The following TAFA5 variants were observed in gnomAD, a reference collection of about 807,000 sequenced individuals.
TAFA5 encodes chemokine-like protein TAFA-5.
Under a neutral mutation model 15.3 loss-of-function variants are expected in TAFA5, and 6 were observed. The observed-to-expected ratio is 0.39, with a 90% CI of 0.21 to 0.77. The LOEUF is 0.77. Ranked by LOEUF, TAFA5 falls within the 30% of genes least tolerant of loss-of-function variation. The probability of loss-of-function intolerance (pLI) is 0.41; values close to 1 mark genes in which losing one functional copy is unlikely to be tolerated. For synonymous variants in TAFA5, 103 were observed against 80.7 expected (o/e 1.28, Z -1.48); for missense variants, 161 against 193.1 (o/e 0.83, Z 0.98).
At chr22:48,573,470 A>T (rs1434527088) in intron 1 of TAFA5, among the ~76,000 whole-genome samples, 5 of 152,192 alleles carry the variant, frequency 3.3e-5, no homozygotes, top group African/African-American at 1.2e-4. Flanking sequence ...TCACACTGCC[A>T]TCTGGAGCTG....
chr22:48,671,410 G>A (rs754894357), intron 2 of TAFA5, among the ~76,000 whole-genome samples: 2 of 152,182 alleles, frequency 1.3e-5, no homozygotes, highest in African/African-American at 2.4e-5. Flanking sequence ...ATTCTCAGCC[G>A]AAAGTGGTGC....
chr22:48,621,367 A>C (rs1344647051), intron 1 of TAFA5, among the ~76,000 whole-genome samples: 1 of 150,960 alleles, frequency 6.6e-6, no homozygotes. Flanking sequence ...CCACACACCC[A>C]CCCATCCATT....
intron 2 of TAFA5, among the ~76,000 whole-genome samples, chr22:48,694,739 T>A (rs900535403): frequency 6.6e-6 from 1 of 150,988 alleles, no homozygotes; most frequent in Non-Finnish European, 1.5e-5. Context: ...TGTGAGCAGC[T>A]CCAAGACCAC....
At chr22:48,508,430 G>A (rs1921088740) in intron 1 of TAFA5, among the ~76,000 whole-genome samples, 1 of 152,214 alleles carries the variant, frequency 6.6e-6, no homozygotes, top group Non-Finnish European at 1.5e-5. Context: ...GGAACAGGGT[G>A]TGCCCAGGTG....
chr22:48,535,683 T>C (rs1922131877), intron 1 of TAFA5, among the ~76,000 whole-genome samples: 1 of 150,122 alleles, frequency 6.7e-6, no homozygotes, highest in Non-Finnish European at 1.5e-5. Context: ...AGTATATGCA[T>C]ATATGTAGGT....
chr22:48,538,626 G>A (rs1284636316), intron 1 of TAFA5, among the ~76,000 whole-genome samples: 1 of 152,168 alleles, frequency 6.6e-6, no homozygotes, highest in Non-Finnish European at 1.5e-5. Flanking sequence ...TCTCTGCTCC[G>A]GGCCGCGGTG....
rs1053002737 is a variant in TAFA5 at position 48,638,360 on chromosome 22, C to G, written c.113-8237C>G. ...GGCCACACACAGGCAATACCACCCC[C>G]CCCCCGACACTAAGCCCTGGGACAC... On this transcript the variant is annotated intron_variant, in intron 1 of 3. Coordinates refer to ENST00000402357, the MANE Select transcript of TAFA5 (RefSeq NM_001082967.3). Among the ~76,000 whole-genome samples the G allele has an allele frequency of 1.3e-4, 9 of 68,322 alleles. 1 individual carries two copies. Among genetic ancestry groups the G allele is most frequent in the Non-Finnish European group, 1.9e-4 (7 of 37,026 alleles). The allele number at this position is 68,322 out of a possible 152,430, so 44.8% of individuals were successfully genotyped here.
At chr22:48,608,200 A>G (rs539273547) in intron 1 of TAFA5, among the ~76,000 whole-genome samples, 2 of 125,774 alleles carry the variant, frequency 1.6e-5, no homozygotes, top group Admixed American at 7.4e-5. Flanking sequence ...TTTCTCCTCT[A>G]AAGTCAGGTA....
At chr22:48,624,809 C>G (rs1252630942) in intron 1 of TAFA5, among the ~76,000 whole-genome samples, 1 of 152,138 alleles carries the variant, frequency 6.6e-6, no homozygotes, top group African/African-American at 2.4e-5. Context: ...TATTAGAAAC[C>G]TAGGTCTTGG....
intron 1 of TAFA5, among the ~76,000 whole-genome samples, chr22:48,516,112 CT>C (rs1162216573): frequency 1.3e-5 from 2 of 152,282 alleles, no homozygotes; most frequent in East Asian, 3.9e-4. Context: ...GCACAGCTTT[CT>C]GATTGGCCCG....
intron 1 of TAFA5, among the ~76,000 whole-genome samples, chr22:48,542,137 ATG>A (rs1343061011): frequency 1.7e-4 from 15 of 86,216 alleles, no homozygotes; most frequent in Admixed American, 7.1e-4. Context: ...TGTGATGTGT[ATG>A]TGTGTGTGTG....
chr22:48,509,427 G>A (rs902451790), intron 1 of TAFA5, among the ~76,000 whole-genome samples: 4 of 152,080 alleles, frequency 2.6e-5, no homozygotes, highest in East Asian at 1.9e-4. Flanking sequence ...CATTCCCACC[G>A]ATAGTGTATA....
At chr22:48,689,504 C>A (rs761029593) in intron 2 of TAFA5, among the ~76,000 whole-genome samples, 1 of 152,186 alleles carries the variant, frequency 6.6e-6, no homozygotes, top group Non-Finnish European at 1.5e-5. Flanking sequence ...GCCTGAGGAA[C>A]CTGCGCAGAC....
At chr22:48,725,724 GAAA>G (rs11379698) in intron 3 of TAFA5, among the ~76,000 whole-genome samples, 7,837 of 114,910 alleles carry the variant, frequency 0.068, 284 homozygotes, top group Admixed American at 0.1. Flanking sequence ...ATAATTCACA[GAAA>G]AAAAAAAAAA....
intron 1 of TAFA5, among the ~76,000 whole-genome samples, chr22:48,523,294 C>G (rs934367775): frequency 2.6e-5 from 4 of 152,348 alleles, no homozygotes; most frequent in Admixed American, 6.5e-5. Context: ...GGGCAGCCTC[C>G]ACCAGGGCCA....
chr22:48,710,651 C>T (rs1171289939), intron 3 of TAFA5, among the ~76,000 whole-genome samples: 3 of 152,232 alleles, frequency 2.0e-5, no homozygotes, highest in Non-Finnish European at 2.9e-5. Context: ...GCCCACAGGG[C>T]CCACCACGGG....
chr22:48,627,843 G>T (rs1748362171), intron 1 of TAFA5, among the ~76,000 whole-genome samples: 1 of 152,232 alleles, frequency 6.6e-6, no homozygotes, highest in Non-Finnish European at 1.5e-5. Context: ...CACTGAGGCT[G>T]CCCGTGGAGT....
chr22:48,670,743 A>G (rs1176698037), intron 2 of TAFA5, among the ~76,000 whole-genome samples: 1 of 152,248 alleles, frequency 6.6e-6, no homozygotes, highest in Non-Finnish European at 1.5e-5. Context: ...GCATTTTGTC[A>G]TGGCCTGAAG....
intron 1 of TAFA5, among the ~76,000 whole-genome samples, chr22:48,495,000 C>T (rs1928277387): frequency 6.6e-6 from 1 of 152,236 alleles, no homozygotes; most frequent in Admixed American, 6.5e-5. Context: ...CTCCTGGCTC[C>T]AGGGAGGCTG....
Sources: allele counts gnomAD v4.1 joint callset (sites outside exome capture counted in the v4.1 genomes callset), GRCh38; gene constraint gnomAD v4.1.1; transcripts MANE v1.5; gene names NCBI Gene and HGNC (gene_info 2026-07-23, HGNC 2026-07-21).